Variants in STPG4 observed in about 807,000 individuals in gnomAD.
STPG4 encodes protein STPG4.
In STPG4, 41 loss-of-function variants were observed where a neutral mutation model predicts 31.5. The ratio of observed to expected loss-of-function variants is 1.30; its 90% CI spans 1.01 to 1.69. The LOEUF (loss-of-function observed/expected upper bound fraction) is 1.69, where lower values mean the gene tolerates loss of function less well. Among genes scored for constraint, STPG4 ranks in the 40% most tolerant of loss-of-function variants. The probability of loss-of-function intolerance (pLI) is 0.00; values close to 1 mark genes in which losing one functional copy is unlikely to be tolerated. For synonymous variants in STPG4, 141 were observed against 103.0 expected, an observed-to-expected ratio of 1.37 and a Z score of -2.24; for missense variants, 375 against 293.4, an observed-to-expected ratio of 1.28 and a Z score of -2.03.
At position 47,127,252 on chromosome 2, in the gene STPG4, C is replaced by CTTTTTTTTTTTTTTTTTTTTTTT. The variant is rs57475505; in HGVS notation, c.519+2666_519+2688dup. On this transcript the variant is annotated intron_variant, in intron 5 of 6. Transcript: ENST00000445927. ...CAAATAGCTTGTCTTCAAGCTAATT[C>CTTTTTTTTTTTTTTTTTTTTTTT]TTTTTTTTTTTTTTTTTTTTTTTTT... 1.0e-4 allele frequency among the ~76,000 whole-genome samples: 6 copies of CTTTTTTTTTTTTTTTTTTTTTTT among 57,452 alleles called. 1 individual carries two copies. The highest frequency in any genetic ancestry group is 2.6e-4 in the Admixed American group (1 of 3,908). 37.7% of individuals were successfully genotyped at this position (57,452 alleles called of 152,430 possible).
chr2:47,118,158 G>C (rs891919671), intron 5 of STPG4, among the ~76,000 whole-genome samples: 1 of 152,070 alleles, frequency 6.6e-6, no homozygotes, highest in African/African-American at 2.4e-5. Flanking sequence ...GTGAGGGGTG[G>C]GCGAGCAAGG....
chr2:47,120,893 C>T (rs1452654071), intron 5 of STPG4: 1 of 152,034 alleles, frequency 6.6e-6, no homozygotes, highest in Non-Finnish European at 1.5e-5. Context: ...CTCACCCTAC[C>T]CCCGCAACAC....
chr2:47,149,145 T>A (rs751268534), intron 3 of STPG4, among the ~76,000 whole-genome samples: 4 of 152,156 alleles, frequency 2.6e-5, no homozygotes, highest in East Asian at 3.8e-4. Flanking sequence ...AAACACTGAA[T>A]TTTTCCAGTT....
intron 5 of STPG4, among the ~76,000 whole-genome samples, chr2:47,094,187 T>G (rs1685627169): frequency 6.6e-6 from 1 of 152,212 alleles, no homozygotes; most frequent in Admixed American, 6.5e-5. Flanking sequence ...TAAGCATCTC[T>G]TCCACAAATC....
At chr2:47,122,815 C>T (rs2347606) in intron 5 of STPG4, among the ~76,000 whole-genome samples, 127,545 of 151,946 alleles carry the variant, frequency 0.84, 54,335 homozygotes, top group South Asian at 0.94. Context: ...GTTTGTTTGT[C>T]TGTTTGTTTT....
intron 5 of STPG4, among the ~76,000 whole-genome samples, chr2:47,105,116 T>A (rs1036244344): frequency 2.0e-5 from 3 of 151,892 alleles, no homozygotes; most frequent in Non-Finnish European, 2.9e-5. Flanking sequence ...CAGGCCCTAG[T>A]ACAAGCTCCA....
Position 47,100,553 on chromosome 2 carries a change from G to A in STPG4, c.520-10179C>T, listed in dbSNP as rs6757198. The stretch of plus-strand genomic sequence containing the variant: ...ATAAGAGAAAAAAAGCAGGCTCCCC[G>A]AGCCAGCAGTGGCAACCCACTCGAG... On this transcript the variant is annotated intron_variant, in intron 5 of 6. Coordinates refer to ENST00000445927, the MANE Select transcript of STPG4 (RefSeq NM_001163561.2). Among the ~76,000 whole-genome samples the A allele has an allele frequency of 8.6e-3, 1,296 of 150,260 alleles. 41 individuals carry two copies. Among genetic ancestry groups the A allele is most frequent in the African/African-American group, 0.029 (1,192 of 40,590 alleles).
In STPG4 at chr2:47,130,015, A is replaced by C. The variant is rs374429858; in HGVS notation, c.465-20T>G. 1,056 of 1,519,428 alleles carry C rather than the reference A, an allele frequency of 6.9e-4. 1 individual carries two copies. Among genetic ancestry groups the C allele is most frequent in the Non-Finnish European group, 9.2e-4 (1,019 of 1,108,662 alleles). 94.1% of individuals were successfully genotyped at this position (1,519,428 alleles called of 1,614,324 possible). ...CAGCTCCTATATTTCAAAATAAAAA[A>C]GAAAAGTGATTTTCTAAATCTATTT... On this transcript the variant is annotated intron_variant, in intron 4 of 6. Coordinates refer to ENST00000445927, the MANE Select transcript of STPG4 (RefSeq NM_001163561.2).
At chr2:47,141,134 C>T (rs571657954) in intron 3 of STPG4, among the ~76,000 whole-genome samples, 1 of 151,900 alleles carries the variant, frequency 6.6e-6, no homozygotes, top group South Asian at 2.1e-4. Flanking sequence ...TGATCTGCCC[C>T]CCTCGGCCTC....
At chr2:47,152,577 T>C (rs916024622) in intron 2 of STPG4, among the ~76,000 whole-genome samples, 2 of 152,232 alleles carry the variant, frequency 1.3e-5, no homozygotes, top group African/African-American at 4.8e-5. Context: ...ATATTGACCA[T>C]ATTAAGAACC....
At chr2:47,143,074 C>T (rs1248792242) in intron 3 of STPG4, among the ~76,000 whole-genome samples, 2 of 152,066 alleles carry the variant, frequency 1.3e-5, no homozygotes, top group Non-Finnish European at 2.9e-5. Flanking sequence ...GATCTGCCTG[C>T]CTCGGCCTCC....
intron 5 of STPG4, among the ~76,000 whole-genome samples, chr2:47,107,955 C>T (rs894758893): frequency 6.7e-6 from 1 of 149,166 alleles, no homozygotes; most frequent in African/African-American, 2.5e-5. Context: ...ATTGTAAATA[C>T]ACCAATCGGC....
intron 5 of STPG4, among the ~76,000 whole-genome samples, chr2:47,122,794 TTC>T (rs1398505868): frequency 5.4e-5 from 8 of 146,918 alleles, no homozygotes; most frequent in African/African-American, 1.5e-4. Context: ...TATATTTTAT[TTC>T]TGTTTTTTGT....
At position 47,109,622 on chromosome 2, in the gene STPG4, A is replaced by G. The variant is rs559809674; in HGVS notation, c.520-19248T>C. ...ATATTTGAAATGTTATATTTTTCCC[A>G]AAATGTTACCCACAAGTAAAACATA... On this transcript the variant is annotated intron_variant, in intron 5 of 6. Transcript: ENST00000445927. 2.6e-5 allele frequency among the ~76,000 whole-genome samples: 4 copies of G among 152,186 alleles called. No individual in the cohort carries two copies. In the East Asian group the frequency reaches 7.7e-4, roughly 29 times the overall value.
At chr2:47,129,896 T>C in intron 5 of STPG4, 45 bp downstream of exon 5, 1 of 1,598,534 alleles carries the variant, frequency 6.3e-7, no homozygotes. Flanking sequence ...CAGCGTATTT[T>C]AAACATCAAA....
chr2:47,091,186 A>G (rs557383782), intron 5 of STPG4, among the ~76,000 whole-genome samples: 23 of 151,942 alleles, frequency 1.5e-4, no homozygotes, highest in Middle Eastern at 3.4e-3. Context: ...AAGGAAGGAG[A>G]GAGGGAAAGA....
chr2:47,142,577 CAATATCAACAGAAAGAAAAA>C (rs1293255638), intron 3 of STPG4, among the ~76,000 whole-genome samples: 1 of 152,016 alleles, frequency 6.6e-6, no homozygotes, highest in African/African-American at 2.4e-5. Flanking sequence ...ACATTGAAAA[CAATATCAACAGAAAGAAAAA>C]AATTAATAGT....
intron 5 of STPG4, among the ~76,000 whole-genome samples, chr2:47,118,609 A>G (rs1274013868): frequency 6.6e-6 from 1 of 152,172 alleles, no homozygotes; most frequent in African/African-American, 2.4e-5. Flanking sequence ...GGACCGCTGC[A>G]CTAAGTGGTA....
intron 5 of STPG4, among the ~76,000 whole-genome samples, chr2:47,105,193 G>C (rs537599093): frequency 1.3e-4 from 19 of 151,936 alleles, no homozygotes; most frequent in Non-Finnish European, 2.5e-4. Context: ...GATAGCTCTT[G>C]GAGTCCTTAC....
Sources: allele counts gnomAD v4.1 joint callset (sites outside exome capture counted in the v4.1 genomes callset), GRCh38; gene constraint gnomAD v4.1.1; transcripts MANE v1.5; gene names NCBI Gene and HGNC (gene_info 2026-07-23, HGNC 2026-07-21).